The following SAMMSON variants were observed in gnomAD, a reference collection of about 807,000 sequenced individuals.
SAMMSON encodes long intergenic non-protein coding RNA 1212.
At chr3:70,378,394 T>C (rs1428046586) in intron 9 of SAMMSON, among the ~76,000 whole-genome samples, 1 of 151,908 alleles carries the variant, frequency 6.6e-6, no homozygotes, top group Non-Finnish European at 1.5e-5. Flanking sequence ...TATATAAAAA[T>C]AAGCAATGAT....
At chr3:70,137,079 T>G (rs895284661) in intron 4 of SAMMSON, among the ~76,000 whole-genome samples, 3 of 152,192 alleles carry the variant, frequency 2.0e-5, no homozygotes, top group African/African-American at 4.8e-5. Flanking sequence ...CTTTTTTGTC[T>G]CCCATCTTAC....
At position 70,324,536 on chromosome 3, in the gene SAMMSON, C is replaced by A. The variant is rs558384359; in HGVS notation, n.740-29639C>A. ...TCACATAGTAAAGGCTTTTGTAAAGCTATGCACTAAAGTAATCTGTTCAGT... is the reference window on the plus strand; with the variant it reads ...TCACATAGTAAAGGCTTTTGTAAAGATATGCACTAAAGTAATCTGTTCAGT... On this transcript the variant is annotated intron_variant and non_coding_transcript_variant, in intron 7 of 9. Transcript: ENST00000642114. 7.9e-5 allele frequency among the ~76,000 whole-genome samples: 12 copies of A among 152,258 alleles called. No homozygotes were observed. The South Asian group carries it at 2.5e-3, about 32-fold the overall frequency.
intron 4 of SAMMSON, among the ~76,000 whole-genome samples, chr3:70,236,821 C>T (rs578017347): frequency 1.3e-5 from 2 of 152,234 alleles, no homozygotes; most frequent in Non-Finnish European, 2.9e-5. Flanking sequence ...GTCTCAAAGT[C>T]CTGGCCTCAA....
intron 7 of SAMMSON, among the ~76,000 whole-genome samples, chr3:70,329,342 C>T (rs1021084011): frequency 6.6e-6 from 1 of 151,982 alleles, no homozygotes; most frequent in Admixed American, 6.6e-5. Flanking sequence ...CAATTATTGG[C>T]AAAGCTCTTT....
At chr3:70,311,220 T>TTTAGATAAAATATCAATTATCTAAA (rs1702450930) in intron 7 of SAMMSON, among the ~76,000 whole-genome samples, 1 of 152,168 alleles carries the variant, frequency 6.6e-6, no homozygotes, top group African/African-American at 2.4e-5. Flanking sequence ...AGCATACCTA[T>TTTAGATAAAATATCAATTATCTAAA]TTAGATAAAA....
chr3:70,229,845 C>T (rs1177167734), intron 4 of SAMMSON, among the ~76,000 whole-genome samples: 1 of 152,100 alleles, frequency 6.6e-6, no homozygotes, highest in East Asian at 1.9e-4. Flanking sequence ...ATATTTGAAA[C>T]AGCTACTGTC....
At chr3:70,134,700 G>A (rs2067498847) in intron 4 of SAMMSON, among the ~76,000 whole-genome samples, 1 of 151,968 alleles carries the variant, frequency 6.6e-6, no homozygotes, top group African/African-American at 2.4e-5. Flanking sequence ...CTAATTCATT[G>A]TTATTTTATT....
At chr3:70,277,032 T>C (rs187117185) in intron 6 of SAMMSON, among the ~76,000 whole-genome samples, 122 of 152,284 alleles carry the variant, frequency 8.0e-4, no homozygotes, top group Non-Finnish European at 1.2e-3. Flanking sequence ...ATGGCATTCA[T>C]GGATAATTAC....
intron 4 of SAMMSON, among the ~76,000 whole-genome samples, chr3:70,219,109 T>G (rs4392382): frequency 0.059 from 8,966 of 152,258 alleles, 414 homozygotes; most frequent in East Asian, 0.25. Context: ...GCTTTCAAGT[T>G]TAAGGTATTG....
intron 7 of SAMMSON, among the ~76,000 whole-genome samples, chr3:70,337,743 C>T (rs1702676614): frequency 6.6e-6 from 1 of 151,684 alleles, no homozygotes. Flanking sequence ...AAATGAAATC[C>T]ACTACTCATG....
intron 6 of SAMMSON, among the ~76,000 whole-genome samples, chr3:70,289,373 T>C (rs184790627): frequency 0.084 from 12,615 of 150,206 alleles, 531 homozygotes; most frequent in South Asian, 0.12. Context: ...TCTTTAAGAA[T>C]GTTGAATATT....
intron 9 of SAMMSON, among the ~76,000 whole-genome samples, chr3:70,369,375 C>A (rs1702946678): frequency 6.6e-6 from 1 of 151,566 alleles, no homozygotes; most frequent in African/African-American, 2.4e-5. Flanking sequence ...AATTCTGGAG[C>A]ATGACAGGAA....
intron 9 of SAMMSON, among the ~76,000 whole-genome samples, chr3:70,375,394 T>A (rs1414293874): frequency 8.0e-6 from 1 of 125,702 alleles, no homozygotes; most frequent in Non-Finnish European, 1.7e-5. Flanking sequence ...GTTGAACAGT[T>A]TTTTGTTGTT....
At chr3:70,248,809 G>C (rs975189415) in intron 4 of SAMMSON, among the ~76,000 whole-genome samples, 1 of 152,048 alleles carries the variant, frequency 6.6e-6, no homozygotes, top group African/African-American at 2.4e-5. Context: ...TATTGAGTAG[G>C]CTACCATGTG....
intron 2 of SAMMSON, among the ~76,000 whole-genome samples, chr3:70,399,351 CAAAAGTATGAAAT>C (rs1169381798): frequency 6.6e-6 from 1 of 152,066 alleles, no homozygotes; most frequent in East Asian, 1.9e-4. Flanking sequence ...AGGTGGGTCA[CAAAAGTATGAAAT>C]TCATTGGGTT....
intron 4 of SAMMSON, among the ~76,000 whole-genome samples, chr3:70,152,610 G>T (rs972473998): frequency 1.3e-5 from 2 of 151,924 alleles, no homozygotes; most frequent in African/African-American, 4.8e-5. Context: ...GGTGGCAATG[G>T]ACTATTTTCC....
chr3:70,112,302 C>A (rs1185565024), intron 4 of SAMMSON, among the ~76,000 whole-genome samples: 1 of 152,114 alleles, frequency 6.6e-6, no homozygotes, highest in Non-Finnish European at 1.5e-5. Context: ...GGAGAAAGAA[C>A]TATCAATGTA....
intron 3 of SAMMSON, among the ~76,000 whole-genome samples, chr3:70,056,286 A>G (rs987316309): frequency 6.6e-6 from 1 of 152,066 alleles, no homozygotes; most frequent in Non-Finnish European, 1.5e-5. Context: ...ATTATGTGTC[A>G]GTCACTATGT....
intron 7 of SAMMSON, among the ~76,000 whole-genome samples, chr3:70,331,981 G>T (rs780852670): frequency 6.6e-6 from 1 of 152,226 alleles, no homozygotes; most frequent in Admixed American, 6.5e-5. Flanking sequence ...ACAAAGGGAA[G>T]TGTGGCATTA....
Sources: gnomAD v4.1 joint callset for allele counts (sites outside exome capture counted in the v4.1 genomes callset) on GRCh38, gnomAD v4.1.1 for gene constraint, MANE v1.5 for transcripts, NCBI Gene and HGNC (gene_info 2026-07-23, HGNC 2026-07-21) for gene names.